Variants in MYH13 observed in about 807,000 individuals in gnomAD.
The protein encoded by MYH13 is myosin heavy chain 13.
In MYH13, 177 loss-of-function variants were observed where a neutral mutation model predicts 232.1. The ratio of observed to expected loss-of-function variants is 0.76; its 90% CI spans 0.67 to 0.86. The LOEUF (loss-of-function observed/expected upper bound fraction) is 0.86. MYH13 is among the 40% of genes least tolerant of loss of function. The probability of loss-of-function intolerance (pLI) is 0.00; values close to 1 mark genes in which losing one functional copy is unlikely to be tolerated. For synonymous variants in MYH13, 884 were observed against 923.5 expected (o/e 0.96, Z 0.78); for missense variants, 2,246 against 2,405.9 (o/e 0.93, Z 1.39).
Position 10,364,423 on chromosome 17 carries a change from TTTC to T in MYH13, c.105_107del (p.Lys36del), listed in dbSNP as rs2071817289. 1.9e-6 allele frequency: 3 copies of T among 1,613,772 alleles called. No individual in the cohort carries two copies. Among genetic ancestry groups the T allele is most frequent in the Non-Finnish European group, 2.5e-6 (3 of 1,179,796 alleles). ...CCTTATTATCCGCTACAAAGCAGGC[TTTC>T]TTGGAATCGAATGGACGATTTTGAG... On this transcript the variant is annotated inframe_deletion, in exon 3 of 41. Coordinates refer to ENST00000252172, the MANE Select transcript of MYH13 (RefSeq NM_003802.3).
intron 2 of MYH13, among the ~76,000 whole-genome samples, chr17:10,368,615 A>C (rs1484084370): frequency 6.6e-6 from 1 of 152,234 alleles, no homozygotes; most frequent in Non-Finnish European, 1.5e-5. Context: ...ATTTGTAATA[A>C]GGTACCAGCC....
intron 35 of MYH13, among the ~76,000 whole-genome samples, chr17:10,308,455 T>C (rs1906369931): frequency 6.9e-6 from 1 of 144,016 alleles, no homozygotes; most frequent in Non-Finnish European, 1.5e-5. Context: ...TTTTTTTTTT[T>C]TTTTTTTTTT....
At chr17:10,334,050 G>C (rs933412660) in intron 18 of MYH13, among the ~76,000 whole-genome samples, 1 of 152,180 alleles carries the variant, frequency 6.6e-6, no homozygotes, top group African/African-American at 2.4e-5. Context: ...GAGCTAGAGG[G>C]GCAAGCCCCT....
At chr17:10,311,731 C>T (rs910677736) in intron 32 of MYH13, among the ~76,000 whole-genome samples, 180 bp downstream of exon 32, 1 of 152,150 alleles carries the variant, frequency 6.6e-6, no homozygotes, top group Non-Finnish European at 1.5e-5. Flanking sequence ...TAGCTGCTGC[C>T]GTGCCTTACA....
In MYH13 at chr17:10,312,667, C is replaced by G; in HGVS notation, c.4272G>C (p.Arg1424Ser). 1 of 1,613,496 alleles carries G rather than the reference C, an allele frequency of 6.2e-7. No homozygotes were observed. Among genetic ancestry groups the G allele is most frequent in the Non-Finnish European group, 8.5e-7 (1 of 1,179,722 alleles). Reference protein sequence around the residue: ...KCASLEKTKQRLQGEVEDLMR... With the variant: ...KCASLEKTKQSLQGEVEDLMR... ...TCAGATCCTCCACCTCTCCCTGCAGCCTCTGCTTGGTTTTCTCCAACGATG... is the reference window on the plus strand; with the variant it reads ...TCAGATCCTCCACCTCTCCCTGCAGGCTCTGCTTGGTTTTCTCCAACGATG... The change falls in exon 31 of 41, where the codon AGG becomes AGC. Residue 1424 changes from arginine (R) to serine (S), a missense_variant. Physicochemically the swap from Arg to Ser is moderately radical, Grantham distance 110. Coordinates refer to ENST00000252172, the MANE Select transcript of MYH13 (RefSeq NM_003802.3).
At chr17:10,366,449 C>T (rs79181031) in intron 2 of MYH13, among the ~76,000 whole-genome samples, 29,985 of 142,974 alleles carry the variant, frequency 0.21, 3,510 homozygotes, top group Non-Finnish European at 0.26. Context: ...GGCACAATCT[C>T]GGTTCACTGC....
At chr17:10,325,783 T>G (rs961854534) in intron 22 of MYH13, among the ~76,000 whole-genome samples, 5 of 152,164 alleles carry the variant, frequency 3.3e-5, no homozygotes, top group Non-Finnish European at 7.3e-5. Context: ...TTCAAGTGAT[T>G]CTCCTGCCTC....
At chr17:10,339,434 G>A (rs1420091129) in intron 18 of MYH13, among the ~76,000 whole-genome samples, 1 of 152,302 alleles carries the variant, frequency 6.6e-6, no homozygotes, top group African/African-American at 2.4e-5. Context: ...AGATCAATAC[G>A]CGTATCTTGC....
At chr17:10,301,013 G>A (rs1183927339) in intron 40 of MYH13, 48 bp from the exon 41 acceptor site, 1 of 1,541,314 alleles carries the variant, frequency 6.5e-7, no homozygotes, top group African/African-American at 1.4e-5. Context: ...TCAACTAAAT[G>A]GGAGACTGAA....
intron 22 of MYH13, 141 bp from the exon 23 acceptor site, chr17:10,324,405 C>G: frequency 2.2e-6 from 2 of 924,502 alleles, no homozygotes; most frequent in Non-Finnish European, 3.3e-6. Context: ...CATGTGCACA[C>G]ACTGCACACA....
At position 10,355,134 on chromosome 17, in the gene MYH13, C is replaced by A; in HGVS notation, c.752G>T (p.Arg251Leu). The part of the protein sequence containing the change: ...DNSSRFGKFI[R>L]IHFGATGKLA... ...CTTTCCTGTGGCTCCAAAATGAATC[C>A]GAATGAACTTCCCCTGTCCAATAAC... The change falls in exon 9 of 41, where the codon CGG (arginine) becomes CTG (leucine). Residue 251 changes from arginine (R) to leucine (L), a missense_variant. Coordinates refer to ENST00000252172, the MANE Select transcript of MYH13 (RefSeq NM_003802.3). 1 of 1,579,866 alleles carries A rather than the reference C, an allele frequency of 6.3e-7. No individual in the cohort carries two copies.
intron 37 of MYH13, among the ~76,000 whole-genome samples, chr17:10,305,107 C>G (rs1473896487): frequency 6.6e-6 from 1 of 152,224 alleles, no homozygotes; most frequent in Non-Finnish European, 1.5e-5. Context: ...TTCTACAAAA[C>G]ATTTGTTTTC....
At position 10,345,350 on chromosome 17, in the gene MYH13, C is replaced by A. The variant is rs1451926181; in HGVS notation, c.1436G>T (p.Cys479Phe). Residue 479 changes from cysteine (C) to phenylalanine (F), a missense_variant, in exon 15 of 41, where the codon TGC (cysteine) becomes TTC (phenylalanine). By Grantham distance (205) the Cys-to-Phe change is radical. Coordinates refer to ENST00000252172, the MANE Select transcript of MYH13 (RefSeq NM_003802.3). ...CAGTTTCTCATTGGTGAAGTTGATG[C>A]ACAGCTGCTCCAGGCTGTTGAACTG... ...IFDFNSLEQL[C>F]INFTNEKLQQ... The A allele has an allele frequency of 6.2e-7, 1 of 1,614,240 alleles. No individual in the cohort carries two copies. Among genetic ancestry groups the A allele is most frequent in the East Asian group, 2.2e-5 (1 of 44,884 alleles).
chr17:10,322,559 G>C (rs901101459), intron 23 of MYH13, among the ~76,000 whole-genome samples: 3 of 151,938 alleles, frequency 2.0e-5, no homozygotes, highest in Non-Finnish European at 4.4e-5. Context: ...CTAATCTATG[G>C]GCTGAATCTG....
At position 10,311,906 on chromosome 17, in the gene MYH13, C is replaced by T. The variant is rs1906519227; in HGVS notation, c.4531+5G>A. 4 of 1,613,752 alleles carry T rather than the reference C, an allele frequency of 2.5e-6. No individual in the cohort carries two copies. In the Admixed American group the frequency reaches 6.7e-5, roughly 27 times the overall value. On this transcript the variant is annotated splice_donor_5th_base_variant and intron_variant, in intron 32 of 40. Transcript: ENST00000252172. ...TAGCACACACCAGTGGTGGAGACAG[C>T]TCACCTTGCAGATTTTTGTTCTCTC...
intron 22 of MYH13, among the ~76,000 whole-genome samples, chr17:10,325,498 A>G (rs1859999): frequency 0.59 from 89,987 of 151,846 alleles, 27,077 homozygotes; most frequent in Non-Finnish European, 0.66. Context: ...GAAAAGTTCT[A>G]CCTATGTCTC....
chr17:10,303,534 C>T, intron 37 of MYH13, 36 bp from the exon 38 acceptor site: 1 of 1,578,946 alleles, frequency 6.3e-7, no homozygotes, highest in Non-Finnish European at 8.7e-7. Context: ...ATTCAAATCT[C>T]CTCTCCCAGG....
At chr17:10,350,488 C>G (rs762946381) in intron 12 of MYH13, 68 bp downstream of exon 12, 16 of 1,551,374 alleles carry the variant, frequency 1.0e-5, no homozygotes, top group Non-Finnish European at 1.2e-5. Flanking sequence ...TGCAGTTTAT[C>G]TCACACGGCC....
chr17:10,301,988 G>A (rs1193017927), intron 39 of MYH13, among the ~76,000 whole-genome samples: 1 of 152,196 alleles, frequency 6.6e-6, no homozygotes, highest in African/African-American at 2.4e-5. Context: ...ATCTTCGGGG[G>A]AGACCTAAGT....
Sources: gnomAD v4.1 joint callset for allele counts (sites outside exome capture counted in the v4.1 genomes callset) on GRCh38, gnomAD v4.1.1 for gene constraint, MANE v1.5 for transcripts, NCBI Gene and HGNC (gene_info 2026-07-23, HGNC 2026-07-21) for gene names.